ITGA11: variants seen among roughly 807,000 people sequenced by gnomAD.
ITGA11 encodes integrin alpha-11.
ITGA11 carries 97 observed loss-of-function variants against 141.9 expected under a neutral mutation model. That is an observed-to-expected ratio of 0.68 (90% CI 0.58 to 0.81). The LOEUF is 0.81. ITGA11 is among the 30% of genes least tolerant of loss of function. The probability of loss-of-function intolerance (pLI) is 0.00; values close to 1 mark genes in which losing one functional copy is unlikely to be tolerated. For missense variants in ITGA11, 1,387 were observed against 1,559.2 expected, an observed-to-expected ratio of 0.89 and a Z score of 1.86; for synonymous variants, 658 against 624.6, an observed-to-expected ratio of 1.05 and a Z score of -0.80.
chr15:68,319,951 T>G (rs1893737352), intron 20 of ITGA11, among the ~76,000 whole-genome samples: 1 of 152,074 alleles, frequency 6.6e-6, no homozygotes, highest in Non-Finnish European at 1.5e-5. Flanking sequence ...TTTTTTTATT[T>G]AATTACTTTA....
At position 68,301,224 on chromosome 15, in the gene ITGA11, C is replaced by T. The variant is rs1056918910; in HGVS notation, c.*1835G>A. On this transcript the variant is annotated 3_prime_UTR_variant, in exon 30 of 30. Transcript: ENST00000315757. This position sits in a 1 kb window ranked among gnomAD's most constrained non-coding sequence, Gnocchi z 4.4. ...TTGCTGTGGGAGCCTAGGGCTCTTCCTGGTTCTGAGTGTCCTCATTTATGC... is the reference window on the plus strand; with the variant it reads ...TTGCTGTGGGAGCCTAGGGCTCTTCTTGGTTCTGAGTGTCCTCATTTATGC... The T allele has an allele frequency of 6.6e-6, 1 of 152,238 alleles. No homozygotes were observed. The allele number at this position is 152,238 out of a possible 1,614,324, so 9.4% of individuals were successfully genotyped here.
chr15:68,312,968 G>GA, intron 23 of ITGA11, 105 bp from the exon 24 acceptor site: 1 of 749,230 alleles, frequency 1.3e-6, no homozygotes, highest in Non-Finnish European at 2.3e-6. Context: ...CCCGGGCCAC[G>GA]AAAAACAGGT....
chr15:68,366,586 A>G (rs532320483), intron 3 of ITGA11, among the ~76,000 whole-genome samples: 10 of 152,050 alleles, frequency 6.6e-5, no homozygotes, highest in African/African-American at 2.4e-4. Flanking sequence ...CTCCCCTGGG[A>G]CTGATGTTTG....
At chr15:68,315,136 G>A (rs1268330994) in intron 22 of ITGA11, among the ~76,000 whole-genome samples, 1 of 152,140 alleles carries the variant, frequency 6.6e-6, no homozygotes, top group Non-Finnish European at 1.5e-5. Flanking sequence ...GGGGAGAGAG[G>A]TGACTAGGAC....
intron 10 of ITGA11, among the ~76,000 whole-genome samples, chr15:68,347,522 C>T (rs1894776946): frequency 6.6e-6 from 1 of 152,146 alleles, no homozygotes; most frequent in Non-Finnish European, 1.5e-5. Context: ...ATGAAACTGT[C>T]CAGATGCAGC....
At chr15:68,424,232 T>C (rs1035641388) in intron 1 of ITGA11, among the ~76,000 whole-genome samples, 5 of 152,178 alleles carry the variant, frequency 3.3e-5, no homozygotes, top group African/African-American at 1.2e-4. Context: ...TCTCAAGCTG[T>C]GTCTCCAGCC....
In ITGA11 at chr15:68,328,043, T is replaced by C; in HGVS notation, c.2068+53A>G. On this transcript the variant is annotated intron_variant, in intron 16 of 29. Transcript: ENST00000315757. The surrounding 1 kb of genome is among the most constrained non-coding windows in gnomAD (Gnocchi z 4.8). ...GCCCAGGCTTTGAAATAGAGCAAGGTGCAGGGGGAGACTGGAGTCTGGGGG... is the reference window on the plus strand; with the variant it reads ...GCCCAGGCTTTGAAATAGAGCAAGGCGCAGGGGGAGACTGGAGTCTGGGGG... The C allele has an allele frequency of 6.5e-7, 1 of 1,544,056 alleles. No individual in the cohort carries two copies. Among genetic ancestry groups the C allele is most frequent in the South Asian group, 1.2e-5 (1 of 81,706 alleles).
At chr15:68,314,080 G>A (rs1263168235) in intron 22 of ITGA11, among the ~76,000 whole-genome samples, 1 of 152,206 alleles carries the variant, frequency 6.6e-6, no homozygotes, top group African/African-American at 2.4e-5. Flanking sequence ...GCCCCTTTAG[G>A]TGGAGTCAGG....
intron 1 of ITGA11, among the ~76,000 whole-genome samples, chr15:68,421,318 C>T (rs908574450): frequency 8.5e-5 from 13 of 152,194 alleles, no homozygotes; most frequent in Admixed American, 3.3e-4. Flanking sequence ...AAGAACAGCC[C>T]GGAGGCCCCA....
chr15:68,412,725 G>T (rs1196621367), intron 1 of ITGA11, among the ~76,000 whole-genome samples: 1 of 140,084 alleles, frequency 7.1e-6, no homozygotes, highest in Non-Finnish European at 1.5e-5. Context: ...ACCCAGACTG[G>T]AGTACAATGG....
intron 2 of ITGA11, among the ~76,000 whole-genome samples, chr15:68,390,955 C>A (rs1182655314): frequency 1.3e-5 from 2 of 152,208 alleles, no homozygotes; most frequent in Non-Finnish European, 2.9e-5. Context: ...TGGGGTCATG[C>A]TTAATAGTCA....
Position 68,361,600 on chromosome 15 carries a change from T to G in ITGA11, c.462A>C (p.Pro154=). The G allele has an allele frequency of 1.2e-6, 2 of 1,603,700 alleles. No homozygotes were observed. The highest frequency in any genetic ancestry group is 1.7e-6 in the Non-Finnish European group (2 of 1,174,730). Residue 154 remains proline, a synonymous_variant, in exon 5 of 30, where the codon CCA becomes CCC. Transcript: ENST00000315757. ...SNFRFSKTVA[P]ALQRCQTYMD... ...TTTGAAGCCACTTACTTTGGAGAGC[T>G]GGGGCCACGGTCTTGGAGAACCTGA...
intron 12 of ITGA11, among the ~76,000 whole-genome samples, 171 bp from the exon 13 acceptor site, chr15:68,332,649 G>T (rs1014455335): frequency 6.6e-6 from 1 of 152,172 alleles, no homozygotes; most frequent in African/African-American, 2.4e-5. Flanking sequence ...CCCTCAGAGT[G>T]GACTTGTCTG....
At chr15:68,364,599 G>T in intron 4 of ITGA11, 108 bp downstream of exon 4, 1 of 857,760 alleles carries the variant, frequency 1.2e-6, no homozygotes, top group Non-Finnish European at 1.9e-6. Flanking sequence ...TGGAGTGGGG[G>T]AGAGTGGGTG....
At chr15:68,402,239 G>A (rs1209870669) in intron 2 of ITGA11, among the ~76,000 whole-genome samples, 1 of 152,042 alleles carries the variant, frequency 6.6e-6, no homozygotes, top group East Asian at 1.9e-4. Flanking sequence ...AACCAAGTGG[G>A]GAGGAGGATG....
rs1897286221 is a variant in ITGA11 at position 68,432,161 on chromosome 15, A to G, written c.-95T>C. On this transcript the variant is annotated 5_prime_UTR_variant, in exon 1 of 30. Coordinates refer to ENST00000315757, the MANE Select transcript of ITGA11 (RefSeq NM_001004439.2). ...CCTCGGCGCGGCGCCTGCAGCCTGC[A>G]CTGCGCGGGGCGCCGGGCTCCCTGA... The G allele has an allele frequency of 2.2e-6, 2 of 897,608 alleles. No homozygotes were observed. The highest frequency in any genetic ancestry group is 7.0e-5 in the East Asian group (2 of 28,586). 55.6% of individuals were successfully genotyped at this position (897,608 alleles called of 1,614,324 possible).
intron 7 of ITGA11, among the ~76,000 whole-genome samples, chr15:68,353,244 A>G (rs1272367838): frequency 6.6e-6 from 1 of 152,218 alleles, no homozygotes; most frequent in Non-Finnish European, 1.5e-5. Flanking sequence ...CAAAGAGAAA[A>G]AACATCCACC....
At chr15:68,373,277 T>C (rs1372873469) in intron 2 of ITGA11, among the ~76,000 whole-genome samples, 7 of 152,190 alleles carry the variant, frequency 4.6e-5, no homozygotes, top group African/African-American at 1.7e-4. Context: ...TGGACTGCCC[T>C]ACTGCACCAG....
chr15:68,342,798 G>A (rs1595868305), intron 10 of ITGA11, among the ~76,000 whole-genome samples: 2 of 152,154 alleles, frequency 1.3e-5, no homozygotes, highest in Admixed American at 6.5e-5. Context: ...CTAGTGAGTC[G>A]AGGCCAGAGA....
Sources: allele counts gnomAD v4.1 joint callset (sites outside exome capture counted in the v4.1 genomes callset), GRCh38; gene constraint gnomAD v4.1.1; non-coding constraint Gnocchi (gnomAD v3.1); transcripts MANE v1.5; gene names NCBI Gene and HGNC (gene_info 2026-07-23, HGNC 2026-07-21).